Variants in MAGI1 observed in about 807,000 individuals in gnomAD.
The protein encoded by MAGI1 is membrane associated guanylate kinase, WW and PDZ domain containing 1, also known as membrane-associated guanylate kinase, WW and PDZ domain-containing protein 1.
MAGI1 carries 58 observed loss-of-function variants against 139.9 expected under a neutral mutation model. The observed-to-expected ratio is 0.41, with a 90% CI of 0.34 to 0.52. The LOEUF (loss-of-function observed/expected upper bound fraction) is 0.52. Among genes scored for constraint, MAGI1 ranks in the 20% least tolerant of loss-of-function variants. The probability of loss-of-function intolerance (pLI) is 0.12; values close to 1 mark genes in which losing one functional copy is unlikely to be tolerated. For missense variants in MAGI1, 1,874 were observed against 1,901.6 expected, an observed-to-expected ratio of 0.99 and a Z score of 0.27; for synonymous variants, 812 against 737.9, an observed-to-expected ratio of 1.10 and a Z score of -1.63.
intron 3 of MAGI1, among the ~76,000 whole-genome samples, chr3:65,493,073 G>A (rs1390588843): frequency 1.3e-4 from 13 of 98,610 alleles, no homozygotes; most frequent in South Asian, 3.6e-4. Context: ...GCGAGACTCC[G>A]TCTCAAAAAA....
chr3:65,688,367 G>T, intron 1 of MAGI1: 1 of 623,754 alleles, frequency 1.6e-6, no homozygotes, highest in South Asian at 1.4e-5. Flanking sequence ...CTTCAGAAAA[G>T]GCTTACAGTA....
chr3:65,914,818 G>T (rs2061824554), intron 1 of MAGI1, among the ~76,000 whole-genome samples: 1 of 152,168 alleles, frequency 6.6e-6, no homozygotes, highest in African/African-American at 2.4e-5. Flanking sequence ...GTACAACAGA[G>T]TTCAATTGCT....
chr3:65,514,875 C>A (rs936956166), intron 2 of MAGI1, among the ~76,000 whole-genome samples: 1 of 147,614 alleles, frequency 6.8e-6, no homozygotes, highest in Non-Finnish European at 1.5e-5. Flanking sequence ...TTTATTGCGG[C>A]ATTATTCACA....
In MAGI1 at chr3:66,038,011, TG is replaced by T; in HGVS notation, c.297del (p.Phe99LeufsTer10). 1 of 1,591,234 alleles carries T rather than the reference TG, an allele frequency of 6.3e-7. No homozygotes were observed. The highest frequency in any genetic ancestry group is 1.1e-5 in the South Asian group (1 of 87,612). The part of the protein sequence containing the change: ...VIDSCKEAVT[F>X]KAVRQGGRLN... ...CCTGCCTTACCTTGTCTGACGGCCT[TG>T]AAGGTGACGGCCTCCTTGCAGCTGT... On this transcript the variant is annotated frameshift_variant, in exon 1 of 23. Transcript: ENST00000402939. LOFTEE classifies it high-confidence loss of function.
In MAGI1 at chr3:65,667,546, A is replaced by G. The variant is rs190526121; in HGVS notation, c.314-45458T>C. Among the ~76,000 whole-genome samples the G allele has an allele frequency of 5.9e-5, 9 of 152,232 alleles. No individual in the cohort carries two copies. The East Asian group carries it at 1.5e-3, about 26-fold the overall frequency. ...ACTGTGTTCTCAGGATGAATTCTATACTCTTAAAGAAGAAACCAATTGAAT... is the reference window on the plus strand; with the variant it reads ...ACTGTGTTCTCAGGATGAATTCTATGCTCTTAAAGAAGAAACCAATTGAAT... On this transcript the variant is annotated intron_variant, in intron 1 of 22. Transcript: ENST00000402939.
chr3:65,931,759 A>G (rs2062817017), intron 1 of MAGI1, among the ~76,000 whole-genome samples: 1 of 152,240 alleles, frequency 6.6e-6, no homozygotes, highest in Non-Finnish European at 1.5e-5. Flanking sequence ...TCTCTGTGGC[A>G]TATGAAAACC....
At chr3:65,737,095 C>A (rs188213457) in intron 1 of MAGI1, among the ~76,000 whole-genome samples, 16 of 152,270 alleles carry the variant, frequency 1.1e-4, no homozygotes, top group Admixed American at 7.8e-4. Flanking sequence ...AGCTCCACCT[C>A]CTGGGTTCAC....
At chr3:65,494,613 G>C (rs1191911715) in intron 2 of MAGI1, among the ~76,000 whole-genome samples, 2 of 152,192 alleles carry the variant, frequency 1.3e-5, no homozygotes, top group East Asian at 3.9e-4. Context: ...ATTATTACCT[G>C]CGGTGGTGAT....
intron 12 of MAGI1, among the ~76,000 whole-genome samples, chr3:65,402,954 G>T (rs1170526057): frequency 6.6e-6 from 1 of 152,166 alleles, no homozygotes; most frequent in African/African-American, 2.4e-5. Context: ...ACCACTGGGG[G>T]CCGAGGAATC....
intron 1 of MAGI1, among the ~76,000 whole-genome samples, chr3:65,866,845 G>A (rs2059747344): frequency 6.6e-6 from 1 of 152,112 alleles, no homozygotes; most frequent in Admixed American, 6.6e-5. Context: ...AGCAAAAGAA[G>A]TCAGCTACTC....
At chr3:65,899,530 T>C (rs545285815) in intron 1 of MAGI1, among the ~76,000 whole-genome samples, 164 of 152,346 alleles carry the variant, frequency 1.1e-3, no homozygotes, top group African/African-American at 3.8e-3. Flanking sequence ...AATGCCACCA[T>C]GGCAAAACAC....
intron 16 of MAGI1, chr3:65,380,844 AG>A (rs1437974234): frequency 6.6e-6 from 1 of 152,208 alleles, no homozygotes; most frequent in African/African-American, 2.4e-5. Flanking sequence ...TATGTTAAGA[AG>A]GATTGTGAGG....
At chr3:65,616,364 T>C (rs2083368602) in intron 2 of MAGI1, among the ~76,000 whole-genome samples, 1 of 152,096 alleles carries the variant, frequency 6.6e-6, no homozygotes, top group Non-Finnish European at 1.5e-5. Context: ...ATAAATGTTG[T>C]TTACATTATA....
intron 12 of MAGI1, chr3:65,401,866 C>T (rs537635195): frequency 2.4e-5 from 24 of 985,126 alleles, no homozygotes; most frequent in South Asian, 1.4e-4. Context: ...TCAATTGAAA[C>T]GGACCAATCA....
At chr3:65,600,185 A>G (rs181805756) in intron 2 of MAGI1, among the ~76,000 whole-genome samples, 10 of 152,338 alleles carry the variant, frequency 6.6e-5, no homozygotes, top group Admixed American at 6.5e-4. Context: ...TACAAATTAA[A>G]TTGCTCTTTT....
intron 1 of MAGI1, among the ~76,000 whole-genome samples, chr3:65,945,101 A>G (rs956518107): frequency 6.6e-6 from 1 of 152,202 alleles, no homozygotes; most frequent in Non-Finnish European, 1.5e-5. Context: ...TGGGAGCACC[A>G]ATGGATCTGG....
rs1454428291 is a variant in MAGI1, at chr3:65,364,525, A to T, written c.3351+140T>A. 1.6e-5 allele frequency: 11 copies of T among 697,808 alleles called. No homozygotes were observed. The East Asian group carries it at 2.9e-4, about 18-fold the overall frequency. The allele number at this position is 697,808 out of a possible 1,614,324, so 43.2% of individuals were successfully genotyped here. A position where few individuals can be genotyped will look rare whatever the true frequency, so the allele number is the denominator to read the frequency against. ...GTTATTTCCTAGACAATCAAATGTAAGTATACGTTTGGTAAATCACCTCAC... is the reference window on the plus strand; with the variant it reads ...GTTATTTCCTAGACAATCAAATGTATGTATACGTTTGGTAAATCACCTCAC... On this transcript the variant is annotated intron_variant, in intron 20 of 22. Coordinates refer to ENST00000402939, the MANE Select transcript of MAGI1 (RefSeq NM_001033057.2).
rs1254021077 is a variant in MAGI1, at chr3:65,662,295, C to T, written c.314-40207G>A. Reference sequence around the variant, plus strand: ...ATGACATTCAAATGAGCAGCCTGGCCTGGGTTTAAATGAAAATGTACTCAT... The same window carrying T: ...ATGACATTCAAATGAGCAGCCTGGCTTGGGTTTAAATGAAAATGTACTCAT... On this transcript the variant is annotated intron_variant, in intron 1 of 22. Transcript: ENST00000402939. 2.6e-5 allele frequency among the ~76,000 whole-genome samples: 4 copies of T among 152,194 alleles called. No individual in the cohort carries two copies. In the East Asian group the frequency reaches 5.8e-4, roughly 22 times the overall value.
At position 65,612,256 on chromosome 3, in the gene MAGI1, A is replaced by G. The variant is rs892889890; in HGVS notation, c.430+9716T>C. On this transcript the variant is annotated intron_variant, in intron 2 of 22. Transcript: ENST00000402939. ...TATCAAATTTACAGAACAGTGCAAG[A>G]ATAAGAATAGTACAAATAACACCAT... is the stretch of plus-strand genomic sequence containing the variant. Among the ~76,000 whole-genome samples the G allele has an allele frequency of 9.2e-5, 14 of 152,064 alleles. 1 individual carries two copies. The highest frequency in any genetic ancestry group is 1.5e-5 in the Non-Finnish European group (1 of 67,972).
Sources: gnomAD v4.1 joint callset for allele counts (sites outside exome capture counted in the v4.1 genomes callset) on GRCh38, gnomAD v4.1.1 for gene constraint, MANE v1.5 for transcripts, NCBI Gene and HGNC (gene_info 2026-07-23, HGNC 2026-07-21) for gene names.